PRKD1: variants seen among roughly 807,000 people sequenced by gnomAD.
PRKD1 encodes protein kinase D1.
A neutral mutation model predicts 95.9 loss-of-function variants in PRKD1; 63 were observed. The observed-to-expected ratio is 0.66, with a 90% CI of 0.54 to 0.81. The LOEUF is 0.81. Ranked by LOEUF, PRKD1 falls within the 30% of genes least tolerant of loss-of-function variation. The probability of loss-of-function intolerance (pLI) is 0.00; values close to 1 mark genes in which losing one functional copy is unlikely to be tolerated. For synonymous variants in PRKD1, 425 were observed against 423.1 expected, an observed-to-expected ratio of 1.00 and a Z score of -0.05; for missense variants, 1,048 against 1,165.3, an observed-to-expected ratio of 0.90 and a Z score of 1.47.
chr14:29,813,306 G>T (rs1890565671), intron 1 of PRKD1, among the ~76,000 whole-genome samples: 1 of 152,166 alleles, frequency 6.6e-6, no homozygotes, highest in East Asian at 1.9e-4. Context: ...TATGAAAACT[G>T]ATCTACATAC....
chr14:29,824,438 T>A (rs2139276319), intron 1 of PRKD1, among the ~76,000 whole-genome samples: 1 of 152,236 alleles, frequency 6.6e-6, no homozygotes, highest in Non-Finnish European at 1.5e-5. Flanking sequence ...CAACCACCAC[T>A]TTTTAAGTCA....
intron 1 of PRKD1, among the ~76,000 whole-genome samples, chr14:29,835,393 T>C (rs936123082): frequency 6.6e-6 from 1 of 152,164 alleles, no homozygotes; most frequent in African/African-American, 2.4e-5. Flanking sequence ...ACACTTTACC[T>C]TCACAACCAT....
intron 13 of PRKD1, among the ~76,000 whole-genome samples, chr14:29,621,298 T>A (rs1025340379): frequency 1.1e-4 from 17 of 151,904 alleles, no homozygotes; most frequent in Non-Finnish European, 2.2e-4. Flanking sequence ...CATATGTAAC[T>A]AACCTGCACA....
chr14:29,651,961 G>C (rs927719496), intron 4 of PRKD1, among the ~76,000 whole-genome samples: 4 of 152,126 alleles, frequency 2.6e-5, no homozygotes, highest in African/African-American at 9.7e-5. Context: ...GGCCAGGCTG[G>C]TCTCGAACTC....
chr14:29,584,142 A>C (rs1892837688), intron 16 of PRKD1, among the ~76,000 whole-genome samples: 1 of 152,224 alleles, frequency 6.6e-6, no homozygotes, highest in Non-Finnish European at 1.5e-5. Context: ...TATGAAAAGA[A>C]GCATTCCATC....
chr14:29,747,484 C>CAAAT (rs1887281292), intron 1 of PRKD1, among the ~76,000 whole-genome samples: 2 of 152,082 alleles, frequency 1.3e-5, no homozygotes, highest in Non-Finnish European at 2.9e-5. Flanking sequence ...GGCACAAAAA[C>CAAAT]AAATACTGCA....
At chr14:29,708,040 T>C (rs1055518281) in intron 2 of PRKD1, among the ~76,000 whole-genome samples, 5 of 152,188 alleles carry the variant, frequency 3.3e-5, no homozygotes, top group African/African-American at 1.2e-4. Context: ...GCTCACCTTT[T>C]ATCTAAAACA....
At chr14:29,807,934 C>A (rs1890305736) in intron 1 of PRKD1, among the ~76,000 whole-genome samples, 1 of 152,002 alleles carries the variant, frequency 6.6e-6, no homozygotes, top group Admixed American at 6.5e-5. Context: ...GTTAACCAGG[C>A]TGGTCTCGAA....
At chr14:29,638,654 AG>A in intron 5 of PRKD1, 39 bp downstream of exon 5, 1 of 1,611,586 alleles carries the variant, frequency 6.2e-7, no homozygotes, top group Non-Finnish European at 8.5e-7. Context: ...CAGATGAATG[AG>A]GGTGATCAAA....
At chr14:29,865,523 G>T (rs964503459) in intron 1 of PRKD1, among the ~76,000 whole-genome samples, 7 of 152,104 alleles carry the variant, frequency 4.6e-5, no homozygotes, top group African/African-American at 1.7e-4. Flanking sequence ...AGAGTGGCTT[G>T]TTATAAAAAG....
At chr14:29,743,620 T>C (rs1887082139) in intron 1 of PRKD1, among the ~76,000 whole-genome samples, 1 of 152,200 alleles carries the variant, frequency 6.6e-6, no homozygotes, top group African/African-American at 2.4e-5. Context: ...ATTCAAGATA[T>C]ATTGCACTTC....
At chr14:29,706,047 T>C (rs555641393) in intron 2 of PRKD1, among the ~76,000 whole-genome samples, 4 of 152,238 alleles carry the variant, frequency 2.6e-5, no homozygotes, top group African/African-American at 9.6e-5. Flanking sequence ...AGCTGCACCA[T>C]TTTACATTCC....
intron 1 of PRKD1, among the ~76,000 whole-genome samples, chr14:29,873,815 T>C (rs552145217): frequency 1.3e-5 from 2 of 151,604 alleles, no homozygotes; most frequent in Non-Finnish European, 2.9e-5. Context: ...TAGTTGTATA[T>C]AATATATAAA....
At chr14:29,855,975 T>C (rs1892484119) in intron 1 of PRKD1, among the ~76,000 whole-genome samples, 1 of 152,204 alleles carries the variant, frequency 6.6e-6, no homozygotes, top group African/African-American at 2.4e-5. Flanking sequence ...CAGTCCTGCG[T>C]ACATCTTTAT....
intron 4 of PRKD1, among the ~76,000 whole-genome samples, chr14:29,651,969 C>T (rs1394613660): frequency 6.6e-6 from 1 of 152,214 alleles, no homozygotes; most frequent in East Asian, 1.9e-4. Context: ...TGGTCTCGAA[C>T]TCCTGACCTC....
intron 13 of PRKD1, among the ~76,000 whole-genome samples, chr14:29,606,194 G>A (rs563912880): frequency 1.3e-5 from 2 of 151,942 alleles, no homozygotes; most frequent in South Asian, 2.1e-4. Context: ...TGTATTTTTC[G>A]TGGAAACGGG....
At chr14:29,911,882 T>A (rs1407269381) in intron 1 of PRKD1, among the ~76,000 whole-genome samples, 5 of 152,224 alleles carry the variant, frequency 3.3e-5, no homozygotes, top group African/African-American at 1.2e-4. Flanking sequence ...CTATGTTCCT[T>A]GGCTCATGAG....
At chr14:29,877,568 C>A (rs1878091925) in intron 1 of PRKD1, among the ~76,000 whole-genome samples, 1 of 152,192 alleles carries the variant, frequency 6.6e-6, no homozygotes, top group African/African-American at 2.4e-5. Flanking sequence ...TTGCCAGTTT[C>A]TATGTCCAGA....
At chr14:29,720,267 C>T (rs1251502507) in intron 2 of PRKD1, among the ~76,000 whole-genome samples, 1 of 152,026 alleles carries the variant, frequency 6.6e-6, no homozygotes, top group African/African-American at 2.4e-5. Flanking sequence ...GATGAGGAAA[C>T]GTGGGCACAG....
Sources: gnomAD v4.1 joint callset for allele counts (sites outside exome capture counted in the v4.1 genomes callset) on GRCh38, gnomAD v4.1.1 for gene constraint, MANE v1.5 for transcripts, NCBI Gene and HGNC (gene_info 2026-07-23, HGNC 2026-07-21) for gene names.